The following MREG variants were observed in gnomAD, a reference collection of about 807,000 sequenced individuals.
MREG encodes melanoregulin, also known as dilute suppressor protein homolog.
MREG carries 31 observed loss-of-function variants against 28.5 expected under a neutral mutation model. The ratio of observed to expected loss-of-function variants is 1.09; its 90% CI spans 0.82 to 1.47. MREG has a LOEUF of 1.47. Ranked by LOEUF, MREG falls within the 40% of genes most tolerant of loss-of-function variation. The pLI, the probability that MREG is intolerant of heterozygous loss-of-function variation, is 0.00. For missense variants in MREG, 256 were observed against 257.4 expected (o/e 0.99, Z 0.04); for synonymous variants, 106 against 95.2 (o/e 1.11, Z -0.66).
intron 2 of MREG, among the ~76,000 whole-genome samples, chr2:215,994,922 C>T (rs573187965): frequency 1.7e-4 from 26 of 152,134 alleles, no homozygotes; most frequent in African/African-American, 4.3e-4. Flanking sequence ...ACATTATTTC[C>T]GTATTGCTGT....
chr2:215,999,245 T>A (rs1320341364), intron 1 of MREG, among the ~76,000 whole-genome samples: 1 of 152,252 alleles, frequency 6.6e-6, no homozygotes, highest in Admixed American at 6.5e-5. Flanking sequence ...AGCTTCATTC[T>A]GTGAACTGCA....
chr2:215,947,192 TA>T, intron 2 of MREG, 79 bp from the exon 3 acceptor site: 2 of 824,572 alleles, frequency 2.4e-6, no homozygotes, highest in South Asian at 1.6e-5. Flanking sequence ...TCATGTTGCC[TA>T]AACACCTGGC....
rs144219534 is a variant in MREG, at chr2:215,946,383, T to C, written c.346+640A>G. On this transcript the variant is annotated intron_variant, in intron 3 of 4. Coordinates refer to ENST00000263268, the MANE Select transcript of MREG (RefSeq NM_018000.3). ...CTTGAAAAGTGATGATGCCAAGATG[T>C]CATGCTCTCTTTCAAAGCAAAAGGA... is the stretch of plus-strand genomic sequence containing the variant. Among the ~76,000 whole-genome samples the C allele has an allele frequency of 5.8e-4, 88 of 151,990 alleles. 1 individual carries two copies. The Middle Eastern group carries it at 0.01, about 18-fold the overall frequency.
At chr2:215,989,268 C>T (rs1693660406) in intron 2 of MREG, among the ~76,000 whole-genome samples, 1 of 152,188 alleles carries the variant, frequency 6.6e-6, no homozygotes, top group Non-Finnish European at 1.5e-5. Context: ...TGGAGTGTAC[C>T]TCCAGCAAAA....
intron 1 of MREG, among the ~76,000 whole-genome samples, chr2:216,010,460 C>A (rs1222055630): frequency 6.9e-6 from 1 of 144,554 alleles, no homozygotes; most frequent in African/African-American, 2.6e-5. Flanking sequence ...CGGGTTCACG[C>A]CATTCTCCTG....
At chr2:215,975,041 T>C (rs1693217409) in intron 2 of MREG, among the ~76,000 whole-genome samples, 2 of 148,156 alleles carry the variant, frequency 1.3e-5, no homozygotes, top group Non-Finnish European at 3.0e-5. Flanking sequence ...ATAATACCTC[T>C]GAATTGTATT....
intron 1 of MREG, among the ~76,000 whole-genome samples, chr2:216,029,910 T>C (rs371684171): frequency 6.6e-6 from 1 of 152,226 alleles, no homozygotes; most frequent in South Asian, 2.1e-4. Flanking sequence ...GTTTGTAGCC[T>C]ATGGCTGAGT....
rs553509309 is a variant in MREG, at chr2:215,970,066, GA to G, written c.256-22954del. On this transcript the variant is annotated intron_variant, in intron 2 of 4. Transcript: ENST00000263268. ...TGACTCCCCGCAAAATTGGTATGTT[GA>G]ATCCTAAGCCCCAGTACCTCAGAAT... Among the ~76,000 whole-genome samples the G allele has an allele frequency of 4.6e-3, 695 of 152,264 alleles. 1 individual carries two copies. Among genetic ancestry groups the G allele is most frequent in the Non-Finnish European group, 7.1e-3 (483 of 68,024 alleles).
Position 216,029,664 on chromosome 2 carries a change from C to T in MREG, c.-68+3125G>A, listed in dbSNP as rs902107948. Among the ~76,000 whole-genome samples the T allele has an allele frequency of 7.2e-5, 11 of 152,204 alleles. No homozygotes were observed. In the South Asian group the frequency reaches 8.3e-4, roughly 11 times the overall value. On this transcript the variant is annotated intron_variant, in intron 1 of 3. Coordinates refer to the MREG transcript ENST00000420348. Reference sequence around the variant, plus strand: ...GGATGCTAAGTCATGCTCACAAACTCGCCAGAAGCTGAAATACACAGCCTA... The same window carrying T: ...GGATGCTAAGTCATGCTCACAAACTTGCCAGAAGCTGAAATACACAGCCTA...
At chr2:215,986,012 TC>T in intron 2 of MREG, among the ~76,000 whole-genome samples, 1 of 152,238 alleles carries the variant, frequency 6.6e-6, no homozygotes, top group East Asian at 1.9e-4. Flanking sequence ...GTTAAAACAA[TC>T]CCCGTCTAGC....
intron 2 of MREG, among the ~76,000 whole-genome samples, chr2:215,952,076 T>C (rs75735994): frequency 0.01 from 1,584 of 152,332 alleles, 27 homozygotes; most frequent in African/African-American, 0.036. Flanking sequence ...GGTTCATCCA[T>C]GTCGTCACAA....
Position 215,961,051 on chromosome 2 carries a change from C to G in MREG, c.256-13938G>C, listed in dbSNP as rs200037867. On this transcript the variant is annotated intron_variant, in intron 2 of 4. Coordinates refer to ENST00000263268, the MANE Select transcript of MREG (RefSeq NM_018000.3). Reference sequence around the variant, plus strand: ...AACCTCAGCCCAAATGGAAAAGGATCAAATGACACAGCAAAGAAACATAGT... The same window carrying G: ...AACCTCAGCCCAAATGGAAAAGGATGAAATGACACAGCAAAGAAACATAGT... 1.2e-4 allele frequency among the ~76,000 whole-genome samples: 19 copies of G among 152,266 alleles called. No homozygotes were observed. In the East Asian group the frequency reaches 3.3e-3, roughly 26 times the overall value.
At chr2:216,021,662 T>C (rs1412199957) in intron 1 of MREG, among the ~76,000 whole-genome samples, 1 of 152,180 alleles carries the variant, frequency 6.6e-6, no homozygotes, top group Non-Finnish European at 1.5e-5. Context: ...CAGGGTTGTT[T>C]AGAGTATGGT....
intron 2 of MREG, among the ~76,000 whole-genome samples, chr2:215,981,831 A>G (rs181787093): frequency 2.0e-5 from 3 of 152,312 alleles, no homozygotes; most frequent in African/African-American, 7.2e-5. Flanking sequence ...ATAACTATTC[A>G]GTATCATCTC....
At chr2:215,978,054 A>T (rs1000390655) in intron 2 of MREG, among the ~76,000 whole-genome samples, 6 of 152,180 alleles carry the variant, frequency 3.9e-5, no homozygotes, top group Non-Finnish European at 7.3e-5. Context: ...AAGGAGATAG[A>T]GAAACAAAAA....
At chr2:215,979,083 T>A (rs1693337944) in intron 2 of MREG, among the ~76,000 whole-genome samples, 1 of 152,212 alleles carries the variant, frequency 6.6e-6, no homozygotes, top group South Asian at 2.1e-4. Context: ...ACATTGGAGT[T>A]TTCATAAGAG....
chr2:215,971,442 C>T (rs1207522467), intron 2 of MREG, among the ~76,000 whole-genome samples: 4 of 152,120 alleles, frequency 2.6e-5, no homozygotes, highest in Non-Finnish European at 5.9e-5. Context: ...GCTTTTTATT[C>T]CCCAACCATC....
At chr2:216,030,574 C>T (rs978243196) in intron 1 of MREG, among the ~76,000 whole-genome samples, 5 of 151,730 alleles carry the variant, frequency 3.3e-5, no homozygotes, top group African/African-American at 9.7e-5. Context: ...GACGGGGTCT[C>T]GCCCTGTCAC....
At chr2:215,946,226 C>T (rs997653575) in intron 3 of MREG, among the ~76,000 whole-genome samples, 1 of 150,464 alleles carries the variant, frequency 6.6e-6, no homozygotes. Flanking sequence ...CTTGGAGTAA[C>T]TTTCATTGTT....
Sources: gnomAD v4.1 joint callset for allele counts (sites outside exome capture counted in the v4.1 genomes callset) on GRCh38, gnomAD v4.1.1 for gene constraint, MANE v1.5 for transcripts, NCBI Gene and HGNC (gene_info 2026-07-23, HGNC 2026-07-21) for gene names.